ATG16L2: variants seen among roughly 807,000 people sequenced by gnomAD.
ATG16L2 encodes the protein protein Atg16l2.
In ATG16L2, 77 loss-of-function variants were observed where a neutral mutation model predicts 84.7. The ratio of observed to expected loss-of-function variants is 0.91; its 90% CI spans 0.76 to 1.10. The LOEUF (loss-of-function observed/expected upper bound fraction) is 1.10, where lower values mean the gene tolerates loss of function less well. Ranked by LOEUF, ATG16L2 falls within the 50% of genes least tolerant of loss-of-function variation. ATG16L2 has a pLI of 0.00. For missense variants in ATG16L2, 782 were observed against 817.6 expected, an observed-to-expected ratio of 0.96 and a Z score of 0.53; for synonymous variants, 361 against 342.8, an observed-to-expected ratio of 1.05 and a Z score of -0.59.
At chr11:72,835,954 G>C (rs1266568658) in intron 5 of ATG16L2, among the ~76,000 whole-genome samples, 1 of 152,064 alleles carries the variant, frequency 6.6e-6, no homozygotes, top group Non-Finnish European at 1.5e-5. Flanking sequence ...CTCCATGTTG[G>C]TCAGGCTGGT....
At position 72,826,508 on chromosome 11, in the gene ATG16L2, A is replaced by G. The variant is rs1860366619; in HGVS notation, c.1174-10A>G. 1 of 1,613,634 alleles carries G rather than the reference A, an allele frequency of 6.2e-7. No individual in the cohort carries two copies. Among genetic ancestry groups the G allele is most frequent in the Non-Finnish European group, 8.5e-7 (1 of 1,179,926 alleles). Reference sequence around the variant, plus strand: ...CTTAGCACCTCTCACTTCCTCTCCCATTTCTCCAGGGCTACCAGGTTTTAG... The same window carrying G: ...CTTAGCACCTCTCACTTCCTCTCCCGTTTCTCCAGGGCTACCAGGTTTTAG... On this transcript the variant is annotated splice_polypyrimidine_tract_variant and intron_variant, in intron 11 of 17. Coordinates refer to ENST00000321297, the MANE Select transcript of ATG16L2 (RefSeq NM_033388.2).
intron 13 of ATG16L2, 28 bp downstream of exon 13, chr11:72,826,851 C>G (rs891647586): frequency 6.8e-6 from 11 of 1,608,652 alleles, no homozygotes; most frequent in Admixed American, 5.1e-5. Context: ...CCCCACCTCT[C>G]CTCCCCACCA....
chr11:72,825,809 A>G (rs1008834800), intron 10 of ATG16L2, among the ~76,000 whole-genome samples: 1 of 152,094 alleles, frequency 6.6e-6, no homozygotes, highest in Non-Finnish European at 1.5e-5. Context: ...CCTTGTCCCA[A>G]GCTCTGTGCT....
chr11:72,826,112 A>G lies in ATG16L2; in HGVS notation c.1103-61A>G, dbSNP rs1361417514. The G allele has an allele frequency of 4.3e-6, 6 of 1,403,174 alleles. No homozygotes were observed. The African/African-American group carries it at 8.5e-5, about 20-fold the overall frequency. 86.9% of individuals were successfully genotyped at this position (1,403,174 alleles called of 1,614,324 possible). On this transcript the variant is annotated intron_variant, in intron 10 of 17. Coordinates refer to ENST00000321297, the MANE Select transcript of ATG16L2 (RefSeq NM_033388.2). ...AACTGATCTTCCGCTCTCAATCCCA[A>G]TTCCTCCATTTTGTGAGGTTAAGAC...
At position 72,828,876 on chromosome 11, in the gene ATG16L2, A is replaced by G. The variant is rs1860516611; in HGVS notation, c.1671-7A>G. 1.2e-6 allele frequency: 2 copies of G among 1,613,894 alleles called. No homozygotes were observed. Among genetic ancestry groups the G allele is most frequent in the Non-Finnish European group, 1.7e-6 (2 of 1,179,986 alleles). On this transcript the variant is annotated splice_polypyrimidine_tract_variant and splice_region_variant and intron_variant, in intron 16 of 17. Transcript: ENST00000321297. ...CCCGTTTTCTTGCTCTGCTGTGGCC[A>G]CTACAGCCCGGACAGAAGCTATGCA...
At chr11:72,843,444 T>G in exon 6 of ATG16L2, 1 of 1,611,418 alleles carries the variant, frequency 6.2e-7, no homozygotes, top group Non-Finnish European at 8.5e-7. Flanking sequence ...AGCAAAGGAA[T>G]ATACCTTTAC....
chr11:72,819,941 T>G (rs1043748837), intron 3 of ATG16L2, among the ~76,000 whole-genome samples: 1 of 152,072 alleles, frequency 6.6e-6, no homozygotes, highest in Non-Finnish European at 1.5e-5. Flanking sequence ...GAGATGGGGT[T>G]TCACCATGTT....
intron 7 of ATG16L2, chr11:72,823,177 C>T (rs1860116846): frequency 2.4e-5 from 12 of 496,056 alleles, no homozygotes; most frequent in Non-Finnish European, 4.0e-5. Context: ...ACCCTCAACC[C>T]TTTCCCTCCT....
intron 3 of ATG16L2, among the ~76,000 whole-genome samples, chr11:72,820,740 T>C (rs1053035244): frequency 6.6e-6 from 1 of 152,080 alleles, no homozygotes; most frequent in African/African-American, 2.4e-5. Context: ...GCCCCCAGCC[T>C]TGGCCTGGGC....
Position 72,823,825 on chromosome 11 carries a change from T to A in ATG16L2, c.825-235T>A. ...GGGTACTAGTAGGGTAAGGCAGTTC[T>A]TCCCATCATGAGGGAGACCTTGGGA... On this transcript the variant is annotated intron_variant, in intron 7 of 17. Transcript: ENST00000321297. 4 of 660,798 alleles carry A rather than the reference T, an allele frequency of 6.1e-6. No homozygotes were observed. The Middle Eastern group carries it at 9.8e-4, about 161-fold the overall frequency. 40.9% of individuals were successfully genotyped at this position (660,798 alleles called of 1,614,324 possible).
chr11:72,831,525 T>C (rs1425701326), downstream of ATG16L2, among the ~76,000 whole-genome samples: 1 of 152,156 alleles, frequency 6.6e-6, no homozygotes, highest in Non-Finnish European at 1.5e-5. Flanking sequence ...AAAATTCTCT[T>C]ATTCAAGGAC....
chr11:72,835,434 G>A (rs952515941), intron 5 of ATG16L2, among the ~76,000 whole-genome samples: 2 of 151,988 alleles, frequency 1.3e-5, no homozygotes, highest in African/African-American at 4.8e-5. Context: ...AGGTGGTGGT[G>A]AGGAGAGGTG....
At chr11:72,829,756 T>G, downstream of ATG16L2, 1 of 511,934 alleles carries the variant, frequency 2.0e-6, no homozygotes, top group Non-Finnish European at 2.6e-6. Flanking sequence ...GCCAGCCGAG[T>G]CTCTGCCTGC....
intron 3 of ATG16L2, 139 bp downstream of exon 3, chr11:72,817,994 C>A: frequency 1.3e-6 from 1 of 798,886 alleles, no homozygotes. Flanking sequence ...TGTGCCAGGC[C>A]CTGACCTGAA....
At chr11:72,840,163 A>G (rs1565280183) in intron 5 of ATG16L2, among the ~76,000 whole-genome samples, 2 of 152,146 alleles carry the variant, frequency 1.3e-5, no homozygotes, top group Non-Finnish European at 2.9e-5. Flanking sequence ...GCGATGCTTT[A>G]AAAATGCACC....
At chr11:72,824,886 A>T (rs373005839) in intron 9 of ATG16L2, 44 bp downstream of exon 9, 1 of 1,508,666 alleles carries the variant, frequency 6.6e-7, no homozygotes, top group Non-Finnish European at 9.0e-7. Flanking sequence ...GTGGTGAGAG[A>T]GTGCAGGCAC....
In ATG16L2 at chr11:72,823,477, C is replaced by T. The variant is rs562399743; in HGVS notation, c.824+516C>T. On this transcript the variant is annotated intron_variant, in intron 7 of 17. Transcript: ENST00000321297. ...TGTCCGCAGGGTCTCCTCCATCCTTCTTGATTTGCCTGTCATTGAGGCTGC... is the reference window on the plus strand; with the variant it reads ...TGTCCGCAGGGTCTCCTCCATCCTTTTTGATTTGCCTGTCATTGAGGCTGC... 2.9e-3 allele frequency: 1,070 copies of T among 363,556 alleles called. 3 individuals carry two copies. The highest frequency in any genetic ancestry group is 3.5e-3 in the Non-Finnish European group (650 of 184,140). The allele number at this position is 363,556 out of a possible 1,614,324, so 22.5% of individuals were successfully genotyped here.
intron 14 of ATG16L2, 125 bp downstream of exon 14, chr11:72,827,418 G>A: frequency 1.3e-6 from 1 of 745,314 alleles, no homozygotes; most frequent in Non-Finnish European, 2.3e-6. Flanking sequence ...AGGCTGTGGG[G>A]CTGGCACTGC....
At chr11:72,823,778 C>G (rs374858526) in intron 7 of ATG16L2, 9 of 556,356 alleles carry the variant, frequency 1.6e-5, no homozygotes, top group Non-Finnish European at 2.4e-5. Context: ...CCCGGCTCAG[C>G]TTCCCAGGAA....
Sources: allele counts gnomAD v4.1 joint callset (sites outside exome capture counted in the v4.1 genomes callset), GRCh38; gene constraint gnomAD v4.1.1; transcripts MANE v1.5; gene names NCBI Gene and HGNC (gene_info 2026-07-23, HGNC 2026-07-21).